The following SYNRG variants were observed in gnomAD, a reference collection of about 807,000 sequenced individuals.
The protein encoded by SYNRG is AP1 gamma subunit binding protein 1.
A neutral mutation model predicts 130.9 loss-of-function variants in SYNRG; 37 were observed. The ratio of observed to expected loss-of-function variants is 0.28; its 90% CI spans 0.22 to 0.37. SYNRG has a LOEUF of 0.37. Among genes scored for constraint, SYNRG ranks in the 10% least tolerant of loss-of-function variants. SYNRG has a pLI of 1.00. For missense variants in SYNRG, 1,338 were observed against 1,588.9 expected, an observed-to-expected ratio of 0.84 and a Z score of 2.68; for synonymous variants, 539 against 568.1, an observed-to-expected ratio of 0.95 and a Z score of 0.73.
intron 19 of SYNRG, among the ~76,000 whole-genome samples, chr17:37,535,006 T>A (rs1221476525): frequency 1.3e-5 from 2 of 152,044 alleles, no homozygotes; most frequent in African/African-American, 4.8e-5. Context: ...TGAATAGGTA[T>A]GAATATATAA....
Position 37,553,425 on chromosome 17 carries a change from G to A in SYNRG, c.2298C>T (p.Asn766=). Reference sequence around the variant, plus strand: ...CATCATCACTTTTTCCTGAAGGAGTGTTATCTTTCAGGTCTTCAACACCTA... The same window carrying A: ...CATCATCACTTTTTCCTGAAGGAGTATTATCTTTCAGGTCTTCAACACCTA... ...SGLGVEDLKD[N]TPSGKSDDDF... is the part of the protein sequence containing the mutation. Residue 766 remains asparagine, a synonymous_variant, in exon 14 of 22, where the codon AAC becomes AAT. Coordinates refer to ENST00000612223, the MANE Select transcript of SYNRG (RefSeq NM_007247.6). The A allele has an allele frequency of 1.9e-6, 3 of 1,614,214 alleles. No individual in the cohort carries two copies. The highest frequency in any genetic ancestry group is 2.5e-6 in the Non-Finnish European group (3 of 1,180,036).
At position 37,584,741 on chromosome 17, in the gene SYNRG, C is replaced by G. The variant is rs748678507; in HGVS notation, c.496G>C (p.Asp166His). 3.1e-6 allele frequency: 5 copies of G among 1,612,906 alleles called. No homozygotes were observed. Among genetic ancestry groups the G allele is most frequent in the Non-Finnish European group, 4.2e-6 (5 of 1,179,088 alleles). The stretch of plus-strand genomic sequence containing the variant: ...CCTTTTATGGCTTCCAAAGCATCAT[C>G]TCTACTCTTCTCTCCTGTCTAAGAG... ...VKPKTGEKSR[D>H]DALEAIKGNL... is the part of the protein sequence containing the mutation. The change falls in exon 6 of 22, where the codon GAT becomes CAT. Residue 166 changes from aspartate (D) to histidine (H), a missense_variant. By Grantham distance (81) the Asp-to-His change is moderately conservative. Transcript: ENST00000612223.
rs1338865999 is a variant in SYNRG, at chr17:37,542,538, A to G, written c.2636T>C (p.Phe879Ser). ...ADIEDLKYAA[F>S]GSYSSNFAVS... is the part of the protein sequence containing the mutation. ...TGCAAAATTGCTACTGTAGCTTCCAAAAGCAGCATATTTTAAGTCCTCTAT... is the reference window on the plus strand; with the variant it reads ...TGCAAAATTGCTACTGTAGCTTCCAGAAGCAGCATATTTTAAGTCCTCTAT... Residue 879 changes from phenylalanine to serine, a missense_variant, in exon 15 of 22, where the codon TTT becomes TCT. Around this residue, in one of 3 missense-constraint regions of SYNRG, gnomAD observed 1,146 missense variants for 1,342.3 expected, o/e 0.85. Coordinates refer to ENST00000612223, the MANE Select transcript of SYNRG (RefSeq NM_007247.6). 2 of 1,611,986 alleles carry G rather than the reference A, an allele frequency of 1.2e-6. No individual in the cohort carries two copies. Among genetic ancestry groups the G allele is most frequent in the Non-Finnish European group, 8.5e-7 (1 of 1,179,728 alleles).
intron 14 of SYNRG, among the ~76,000 whole-genome samples, chr17:37,550,896 A>C (rs904253136): frequency 1.3e-5 from 2 of 152,222 alleles, no homozygotes; most frequent in Non-Finnish European, 2.9e-5. Context: ...CCGCAGATTA[A>C]ATTTAGTCAG....
At chr17:37,589,458 G>A (rs1178563494) in intron 3 of SYNRG, among the ~76,000 whole-genome samples, 1 of 152,116 alleles carries the variant, frequency 6.6e-6, no homozygotes, top group Non-Finnish European at 1.5e-5. Flanking sequence ...AATTAAAAAT[G>A]GGCTATTTAG....
intron 3 of SYNRG, among the ~76,000 whole-genome samples, chr17:37,594,412 C>T (rs1279892958): frequency 6.7e-6 from 1 of 148,358 alleles, no homozygotes; most frequent in Non-Finnish European, 1.5e-5. Context: ...ATTTAAAATA[C>T]ATTGTATTCT....
chr17:37,554,997 A>G (rs1412501397), intron 13 of SYNRG, among the ~76,000 whole-genome samples: 1 of 152,100 alleles, frequency 6.6e-6, no homozygotes, highest in African/African-American at 2.4e-5. Context: ...CACAGCTCTC[A>G]AGAGATCCTG....
At chr17:37,533,184 T>C (rs1490629455) in intron 19 of SYNRG, among the ~76,000 whole-genome samples, 1 of 152,176 alleles carries the variant, frequency 6.6e-6, no homozygotes, top group African/African-American at 2.4e-5. Flanking sequence ...GTGGATCACT[T>C]GAGGCCAGGA....
intron 1 of SYNRG, among the ~76,000 whole-genome samples, chr17:37,602,798 C>A (rs905183101): frequency 1.3e-5 from 2 of 151,822 alleles, no homozygotes; most frequent in Non-Finnish European, 2.9e-5. Context: ...CCAAGGCAGG[C>A]GGATCACTTG....
chr17:37,589,957 G>C (rs890742494), intron 3 of SYNRG, among the ~76,000 whole-genome samples: 3 of 152,030 alleles, frequency 2.0e-5, no homozygotes, highest in African/African-American at 7.2e-5. Context: ...GATCACTTGA[G>C]GCCAGGAGTT....
intron 8 of SYNRG, among the ~76,000 whole-genome samples, chr17:37,575,840 CA>C (rs1187221456): frequency 0.15 from 9,573 of 63,398 alleles, 535 homozygotes; most frequent in East Asian, 0.37. Context: ...GACCTTGTCT[CA>C]AAAAAAAAAA....
intron 20 of SYNRG, 44 bp downstream of exon 20, chr17:37,520,494 T>C: frequency 6.4e-7 from 1 of 1,569,514 alleles, no homozygotes; most frequent in Non-Finnish European, 8.8e-7. Flanking sequence ...CAGAGTCATG[T>C]TAGGGAAGCC....
At chr17:37,583,351 C>A (rs1267556501) in intron 6 of SYNRG, among the ~76,000 whole-genome samples, 1 of 151,976 alleles carries the variant, frequency 6.6e-6, no homozygotes, top group African/African-American at 2.4e-5. Context: ...TATGTTTTTC[C>A]TTTCTAATCT....
At chr17:37,547,371 G>A (rs545070112) in intron 14 of SYNRG, among the ~76,000 whole-genome samples, 191 of 152,120 alleles carry the variant, frequency 1.3e-3, no homozygotes, top group African/African-American at 4.4e-3. Flanking sequence ...AAGGCAGGAA[G>A]TGCAATTGAG....
chr17:37,577,729 C>CAAAA, intron 6 of SYNRG, 116 bp from the exon 7 acceptor site: 1 of 751,338 alleles, frequency 1.3e-6, no homozygotes, highest in Non-Finnish European at 2.0e-6. Context: ...GATGGAATCT[C>CAAAA]ACTCTGTCAC....
intron 14 of SYNRG, among the ~76,000 whole-genome samples, chr17:37,551,385 T>C (rs994749751): frequency 2.0e-5 from 3 of 152,176 alleles, no homozygotes; most frequent in Admixed American, 2.0e-4. Context: ...TACAGATCAA[T>C]GGGAGGAAAC....
At chr17:37,522,158 A>ACACACACACACACACAC (rs2055172609) in intron 19 of SYNRG, among the ~76,000 whole-genome samples, 18 of 39,666 alleles carry the variant, frequency 4.5e-4, no homozygotes. Flanking sequence ...CACACACACA[A>ACACACACACACACACAC]TGGTTAAAAG....
chr17:37,591,165 T>C (rs1170026727), intron 3 of SYNRG, among the ~76,000 whole-genome samples: 2 of 152,208 alleles, frequency 1.3e-5, no homozygotes, highest in Non-Finnish European at 1.5e-5. Context: ...CAATCAATTG[T>C]ATTTCTATAT....
rs200637532 is a variant in SYNRG, at chr17:37,585,681, G to A, written c.372-251C>T. 1.6e-4 allele frequency among the ~76,000 whole-genome samples: 24 copies of A among 152,248 alleles called. No homozygotes were observed. In the East Asian group the frequency reaches 3.7e-3, roughly 23 times the overall value. Reference sequence around the variant, plus strand: ...TTATTTCTCATCTAATTTGCAAGAGGAGGAAACAAGCTTTTGCATATAAAA... The same window carrying A: ...TTATTTCTCATCTAATTTGCAAGAGAAGGAAACAAGCTTTTGCATATAAAA... On this transcript the variant is annotated intron_variant, in intron 4 of 21. Coordinates refer to ENST00000612223, the MANE Select transcript of SYNRG (RefSeq NM_007247.6).
Sources: gnomAD v4.1 joint callset for allele counts (sites outside exome capture counted in the v4.1 genomes callset) on GRCh38, gnomAD v4.1.1 for gene constraint, gnomAD v4.1.1 regional missense constraint, MANE v1.5 for transcripts, NCBI Gene and HGNC (gene_info 2026-07-23, HGNC 2026-07-21) for gene names.